The following ANKRD62 variants were observed in gnomAD, a reference collection of about 807,000 sequenced individuals.
ANKRD62 encodes ankyrin repeat domain 62, also known as ankyrin repeat domain-containing protein 62.
Under a neutral mutation model 98.8 loss-of-function variants are expected in ANKRD62, and 61 were observed. That is an observed-to-expected ratio of 0.62 (90% CI 0.50 to 0.76). ANKRD62 has a LOEUF of 0.76. ANKRD62 is among the 30% of genes least tolerant of loss of function. The pLI is 0.00. For missense variants in ANKRD62, 933 were observed against 1,082.9 expected, an observed-to-expected ratio of 0.86 and a Z score of 1.94; for synonymous variants, 341 against 367.9, an observed-to-expected ratio of 0.93 and a Z score of 0.84.
At chr18:12,140,236 T>G in the ANKRD62 span, among the ~76,000 whole-genome samples, 2 of 152,160 alleles carry the variant, frequency 1.3e-5, no homozygotes, top group Admixed American at 1.3e-4. Flanking sequence ...GTTATTCTAG[T>G]TATCCATTCA....
chr18:12,094,514 GTT>G (rs1909127463), intron 1 of ANKRD62, among the ~76,000 whole-genome samples: 1 of 1,128 alleles, frequency 8.9e-4, no homozygotes, highest in South Asian at 7.9e-3. Flanking sequence ...GGTGGGATGG[GTT>G]GGGGGACTGG....
At chr18:12,108,974 T>G (rs1909475806) in intron 8 of ANKRD62, among the ~76,000 whole-genome samples, 1 of 152,184 alleles carries the variant, frequency 6.6e-6, no homozygotes, top group Admixed American at 6.5e-5. Context: ...CTCTGCAGGG[T>G]TCAGCCCTTG....
chr18:12,167,635 C>T, the ANKRD62 span, among the ~76,000 whole-genome samples: 3 of 152,128 alleles, frequency 2.0e-5, no homozygotes, highest in Admixed American at 6.6e-5. Context: ...ATTTATAATC[C>T]TTTGCGTATA....
At chr18:12,159,975 G>A in the ANKRD62 span, among the ~76,000 whole-genome samples, 1 of 152,020 alleles carries the variant, frequency 6.6e-6, no homozygotes, top group Non-Finnish European at 1.5e-5. Flanking sequence ...ACTTACTATA[G>A]GTACAATATT....
At chr18:12,170,251 T>G in the ANKRD62 span, among the ~76,000 whole-genome samples, 1 of 152,230 alleles carries the variant, frequency 6.6e-6, no homozygotes, top group African/African-American at 2.4e-5. Flanking sequence ...TTTCCTGCTT[T>G]CTCTTGTGGG....
chr18:12,154,933 G>A, the ANKRD62 span, among the ~76,000 whole-genome samples: 5 of 152,146 alleles, frequency 3.3e-5, no homozygotes, highest in African/African-American at 4.8e-5. Context: ...ACTCATGAAC[G>A]CAGAGAAGGG....
At chr18:12,150,560 A>G in the ANKRD62 span, among the ~76,000 whole-genome samples, 1 of 152,222 alleles carries the variant, frequency 6.6e-6, no homozygotes, top group Non-Finnish European at 1.5e-5. Flanking sequence ...GGGAAAGGGC[A>G]GGTCACCTAC....
At chr18:12,170,383 A>G in the ANKRD62 span, among the ~76,000 whole-genome samples, 2 of 152,102 alleles carry the variant, frequency 1.3e-5, no homozygotes, top group South Asian at 4.1e-4. Flanking sequence ...TCATTTCGTT[A>G]TGTATCCAGT....
chr18:12,136,997 G>A, the ANKRD62 span, among the ~76,000 whole-genome samples: 7 of 152,236 alleles, frequency 4.6e-5, no homozygotes, highest in East Asian at 1.4e-3. Flanking sequence ...TCTGCAAACA[G>A]GGACAATTTG....
chr18:12,162,405 A>C, the ANKRD62 span, among the ~76,000 whole-genome samples: 2 of 151,936 alleles, frequency 1.3e-5, no homozygotes, highest in African/African-American at 4.8e-5. Context: ...TGAGCTCCAT[A>C]TATACTCTGG....
At position 12,129,449 on chromosome 18, in the gene ANKRD62, A is replaced by T. The variant is rs1433975049; in HGVS notation, c.*1510A>T. 1 of 152,142 alleles carries T rather than the reference A, an allele frequency of 6.6e-6. No homozygotes were observed. The highest frequency in any genetic ancestry group is 1.5e-5 in the Non-Finnish European group (1 of 68,050). 9.4% of individuals were successfully genotyped at this position (152,142 alleles called of 1,614,324 possible). A position where few individuals can be genotyped will look rare whatever the true frequency, so the allele number is the denominator to read the frequency against. ...GGCTGCATTCCAGTAAAATTTAGTT[A>T]AAAAACAGGTAATAGGGGCCAGGCA... On this transcript the variant is annotated 3_prime_UTR_variant, in exon 14 of 14. Coordinates refer to ENST00000587848, the MANE Select transcript of ANKRD62 (RefSeq NM_001277333.2).
At chr18:12,118,220 T>C (rs568698333) in intron 10 of ANKRD62, among the ~76,000 whole-genome samples, 2 of 152,372 alleles carry the variant, frequency 1.3e-5, no homozygotes, top group South Asian at 4.1e-4. Context: ...TATCCTTTCC[T>C]GGTGTCCCTC....
rs1909929042 is a variant in ANKRD62 at position 12,128,020 on chromosome 18, A to G, written c.*81A>G. 1.2e-6 allele frequency: 1 copy of G among 869,534 alleles called. No homozygotes were observed. The highest frequency in any genetic ancestry group is 5.2e-5 in the South Asian group (1 of 19,332). 53.9% of individuals were successfully genotyped at this position (869,534 alleles called of 1,614,324 possible). On this transcript the variant is annotated 3_prime_UTR_variant, in exon 14 of 14. Transcript: ENST00000587848. The stretch of plus-strand genomic sequence containing the variant: ...TTGTATTTTCATTATAATTAATTTT[A>G]TTAAAATTTGATTATCTTTATAATA...
rs1206401914 is a variant in ANKRD62, at chr18:12,097,694, T to C, written c.669T>C (p.Leu223=). The change falls in exon 5 of 14, where the codon CTT becomes CTC. Residue 223 remains leucine, a synonymous_variant. Transcript: ENST00000587848. ...GATCAACAAGTGTAGTCTACCAGCTTCTTCAGCACAATATTGATGTCTTTT... is the reference window on the plus strand; with the variant it reads ...GATCAACAAGTGTAGTCTACCAGCTCCTTCAGCACAATATTGATGTCTTTT... ...RNGSTSVVYQ[L]LQHNIDVFCQ... 6.5e-7 allele frequency: 1 copy of C among 1,536,118 alleles called. No homozygotes were observed. The highest frequency in any genetic ancestry group is 2.4e-5 in the East Asian group (1 of 40,910).
In ANKRD62 at chr18:12,093,971, T is replaced by C. The variant is rs992319527; in HGVS notation, c.-47T>C. 4.5e-5 allele frequency: 68 copies of C among 1,514,120 alleles called. No individual in the cohort carries two copies. Among genetic ancestry groups the C allele is most frequent in the Non-Finnish European group, 5.8e-5 (65 of 1,129,332 alleles). 93.8% of individuals were successfully genotyped at this position (1,514,120 alleles called of 1,614,324 possible). On this transcript the variant is annotated 5_prime_UTR_variant, in exon 1 of 14. Transcript: ENST00000587848. ...GGCAGAAAACGAGTGGGAGCTGAGG[T>C]GTCTTAAAGCCGTTCCTCAGCCTGG... is the stretch of plus-strand genomic sequence containing the variant.
At chr18:12,109,937 G>T (rs1909500455) in intron 8 of ANKRD62, among the ~76,000 whole-genome samples, 1 of 115,524 alleles carries the variant, frequency 8.7e-6, no homozygotes, top group Non-Finnish European at 1.8e-5. Flanking sequence ...AAAAGAATAG[G>T]TTTCACTGTT....
At chr18:12,141,772 T>A in the ANKRD62 span, among the ~76,000 whole-genome samples, 2 of 46,536 alleles carry the variant, frequency 4.3e-5, no homozygotes, top group Non-Finnish European at 9.0e-5. Flanking sequence ...TTCTTTCTCA[T>A]CTCTGCATGT....
intron 7 of ANKRD62, among the ~76,000 whole-genome samples, chr18:12,103,447 G>T (rs1598731454): frequency 6.6e-6 from 1 of 152,048 alleles, no homozygotes; most frequent in Non-Finnish European, 1.5e-5. Flanking sequence ...AAGTTCCTGA[G>T]TATTGTTTGC....
At chr18:12,172,122 T>C in the ANKRD62 span, among the ~76,000 whole-genome samples, 1 of 152,246 alleles carries the variant, frequency 6.6e-6, no homozygotes. Flanking sequence ...ACTGATCATC[T>C]GAAGCCTTCT....
Sources: allele counts gnomAD v4.1 joint callset (sites outside exome capture counted in the v4.1 genomes callset), GRCh38; gene constraint gnomAD v4.1.1; transcripts MANE v1.5; gene names NCBI Gene and HGNC (gene_info 2026-07-23, HGNC 2026-07-21).